SLC9A9: variants seen among roughly 807,000 people sequenced by gnomAD.
SLC9A9 encodes the protein solute carrier family 9 member A9, also known as sodium/hydrogen exchanger 9.
SLC9A9 carries 62 observed loss-of-function variants against 77.8 expected under a neutral mutation model. The observed-to-expected ratio is 0.80, with a 90% CI of 0.65 to 0.98. The LOEUF is 0.98. Ranked by LOEUF, SLC9A9 falls within the 50% of genes least tolerant of loss-of-function variation. SLC9A9 has a pLI of 0.00. For missense variants in SLC9A9, 775 were observed against 774.9 expected (o/e 1.00, Z 0.00); for synonymous variants, 320 against 283.5 (o/e 1.13, Z -1.29).
chr3:143,646,862 G>A (rs954827318), intron 6 of SLC9A9, among the ~76,000 whole-genome samples: 16 of 151,938 alleles, frequency 1.1e-4, no homozygotes, highest in Non-Finnish European at 1.8e-4. Flanking sequence ...ATTCTTTTTT[G>A]AGTCCTGAAG....
At chr3:143,436,222 C>T (rs1425135997) in intron 12 of SLC9A9, among the ~76,000 whole-genome samples, 1 of 152,210 alleles carries the variant, frequency 6.6e-6, no homozygotes, top group Admixed American at 6.5e-5. Flanking sequence ...CCTCGTCTTG[C>T]GAGCACTGGG....
At chr3:143,764,997 TCCTTTCTTTCTTTCTCTCTTTC>T (rs2007258083) in intron 4 of SLC9A9, among the ~76,000 whole-genome samples, 1 of 146,930 alleles carries the variant, frequency 6.8e-6, no homozygotes, top group Non-Finnish European at 1.5e-5. Context: ...CTTCCTTCCT[TCCTTTCTTTCTTTCTCTCTTTC>T]TCTTTCTTTC....
chr3:143,848,142 A>T lies in SLC9A9; in HGVS notation c.175+6T>A, dbSNP rs752298518. 6.2e-7 allele frequency: 1 copy of T among 1,612,252 alleles called. No individual in the cohort carries two copies. The highest frequency in any genetic ancestry group is 2.2e-5 in the East Asian group (1 of 44,880). On this transcript the variant is annotated splice_donor_region_variant and intron_variant, in intron 1 of 15. Coordinates refer to ENST00000316549, the MANE Select transcript of SLC9A9 (RefSeq NM_173653.4). Reference sequence around the variant, plus strand: ...TTCACATCAATCTCACAATTTATGCACTCACCATACACCATTGCTCCTCCA... The same window carrying T: ...TTCACATCAATCTCACAATTTATGCTCTCACCATACACCATTGCTCCTCCA...
At chr3:143,420,332 C>G (rs1266518146) in intron 12 of SLC9A9, among the ~76,000 whole-genome samples, 1 of 152,202 alleles carries the variant, frequency 6.6e-6, no homozygotes, top group East Asian at 1.9e-4. Flanking sequence ...ATCCAATCAA[C>G]TGAAGCCATC....
chr3:143,697,331 T>C (rs1269302190), intron 4 of SLC9A9, among the ~76,000 whole-genome samples: 1 of 152,078 alleles, frequency 6.6e-6, no homozygotes, highest in Non-Finnish European at 1.5e-5. Context: ...TTAATAGTGG[T>C]TATATAATAG....
At chr3:143,314,854 A>T (rs563974819) in intron 14 of SLC9A9, among the ~76,000 whole-genome samples, 1 of 152,204 alleles carries the variant, frequency 6.6e-6, no homozygotes, top group African/African-American at 2.4e-5. Flanking sequence ...CAAGAGCCAC[A>T]CTCTTGGTGA....
At chr3:143,527,809 G>C (rs1326056528) in intron 9 of SLC9A9, among the ~76,000 whole-genome samples, 1 of 152,220 alleles carries the variant, frequency 6.6e-6, no homozygotes, top group Middle Eastern at 3.2e-3. Flanking sequence ...GGACCACAGA[G>C]AAGACTGCTT....
At position 143,382,118 on chromosome 3, in the gene SLC9A9, T is replaced by C; in HGVS notation, c.1470-4A>G. On this transcript the variant is annotated splice_region_variant and splice_polypyrimidine_tract_variant and intron_variant, in intron 12 of 15. Transcript: ENST00000316549. ...TTCATCCAGGTCCACGCCAACTCTG[T>C]TAAACAAAACCAAAAACTGGTCAAT... 1 of 1,614,086 alleles carries C rather than the reference T, an allele frequency of 6.2e-7. No homozygotes were observed. The highest frequency in any genetic ancestry group is 1.3e-5 in the African/African-American group (1 of 75,030).
chr3:143,272,696 C>T (rs1319729805), intron 14 of SLC9A9, among the ~76,000 whole-genome samples: 3 of 152,104 alleles, frequency 2.0e-5, no homozygotes, highest in African/African-American at 7.2e-5. Context: ...AACCCAACGG[C>T]AGATTTTGCA....
rs1042410570 is a variant in SLC9A9, at chr3:143,529,935, G to A, written c.1089+22427C>T. Among the ~76,000 whole-genome samples, 3 of 152,260 alleles carry A rather than the reference G, an allele frequency of 2.0e-5. 1 individual carries two copies. The Middle Eastern group carries it at 0.01, about 518-fold the overall frequency. ...AACAGAAGCCACTCCTATGACTCTAGGACGGAAGAATGAGAATGAGGAAAC... is the reference window on the plus strand; with the variant it reads ...AACAGAAGCCACTCCTATGACTCTAAGACGGAAGAATGAGAATGAGGAAAC... On this transcript the variant is annotated intron_variant, in intron 9 of 15. Coordinates refer to ENST00000316549, the MANE Select transcript of SLC9A9 (RefSeq NM_173653.4).
chr3:143,407,045 A>G (rs1183325056), intron 12 of SLC9A9, among the ~76,000 whole-genome samples: 6 of 152,068 alleles, frequency 3.9e-5, no homozygotes. Context: ...AAAAAGATTA[A>G]TGGTACTACC....
intron 13 of SLC9A9, among the ~76,000 whole-genome samples, chr3:143,370,112 T>C (rs2033013220): frequency 6.6e-6 from 1 of 152,210 alleles, no homozygotes; most frequent in Non-Finnish European, 1.5e-5. Context: ...TTTGAGATAA[T>C]AAATGTGGGT....
intron 9 of SLC9A9, among the ~76,000 whole-genome samples, chr3:143,511,107 G>A (rs952037300): frequency 5.3e-5 from 8 of 152,178 alleles, no homozygotes; most frequent in African/African-American, 9.6e-5. Flanking sequence ...GGCAATTCTC[G>A]CACTTTCATC....
intron 14 of SLC9A9, among the ~76,000 whole-genome samples, chr3:143,279,370 T>A (rs1448980292): frequency 1.3e-5 from 2 of 152,102 alleles, no homozygotes; most frequent in Admixed American, 1.3e-4. Context: ...TCCACACAAG[T>A]GAGGTGTTTA....
intron 4 of SLC9A9, among the ~76,000 whole-genome samples, chr3:143,742,267 C>A (rs1262751608): frequency 6.6e-6 from 1 of 152,138 alleles, no homozygotes; most frequent in Admixed American, 6.5e-5. Context: ...TCACTGGCTT[C>A]CCCCAACCCA....
At chr3:143,812,694 C>G (rs996861452) in intron 2 of SLC9A9, among the ~76,000 whole-genome samples, 2 of 152,082 alleles carry the variant, frequency 1.3e-5, no homozygotes, top group African/African-American at 4.8e-5. Context: ...CATGCTTTCT[C>G]TCCTTCCTTC....
In SLC9A9 at chr3:143,307,619, G is replaced by A. The variant is rs148182945; in HGVS notation, c.1605-38639C>T. Among the ~76,000 whole-genome samples, 20 of 152,184 alleles carry A rather than the reference G, an allele frequency of 1.3e-4. No homozygotes were observed. The East Asian group carries it at 3.1e-3, about 24-fold the overall frequency. On this transcript the variant is annotated intron_variant, in intron 14 of 15. Transcript: ENST00000316549. ...CCCACATTTTCTCTAGCCTGGCTTC[G>A]GTCTCTGAATAGGCCCTGCAGCCTT...
chr3:143,386,638 G>T (rs2033433706), intron 12 of SLC9A9, among the ~76,000 whole-genome samples: 1 of 152,108 alleles, frequency 6.6e-6, no homozygotes, highest in Non-Finnish European at 1.5e-5. Context: ...TTATCAGTGG[G>T]GCCAGAGCTC....
chr3:143,662,068 C>T (rs971500433), intron 5 of SLC9A9, among the ~76,000 whole-genome samples: 2 of 152,204 alleles, frequency 1.3e-5, no homozygotes, highest in South Asian at 2.1e-4. Context: ...ATCTTAGTTA[C>T]AATTGAAAAA....
Sources: allele counts gnomAD v4.1 joint callset (sites outside exome capture counted in the v4.1 genomes callset), GRCh38; gene constraint gnomAD v4.1.1; transcripts MANE v1.5; gene names NCBI Gene and HGNC (gene_info 2026-07-23, HGNC 2026-07-21).